The following NKX3-2 variants were observed in gnomAD, a reference collection of about 807,000 sequenced individuals.
The protein encoded by NKX3-2 is NK3 homeobox 2.
Under a neutral mutation model 19.4 loss-of-function variants are expected in NKX3-2, and 13 were observed. The ratio of observed to expected loss-of-function variants is 0.67; its 90% confidence interval spans 0.44 to 1.07. The LOEUF (loss-of-function observed/expected upper bound fraction) is 1.07. Ranked by LOEUF, NKX3-2 falls within the 50% of genes least tolerant of loss-of-function variation. The probability of loss-of-function intolerance (pLI) is 0.00; values close to 1 mark genes in which losing one functional copy is unlikely to be tolerated. For synonymous variants in NKX3-2, 269 were observed against 230.5 expected, an observed-to-expected ratio of 1.17 and a Z score of -1.51; for missense variants, 562 against 488.2, an observed-to-expected ratio of 1.15 and a Z score of -1.42.
chr4:13,544,638 C>A (rs1718083474), upstream of NKX3-2: 2 of 308,610 alleles, frequency 6.5e-6, no homozygotes, highest in Non-Finnish European at 1.2e-5. Context: ...GACCCCCTCC[C>A]CCCGAATCCA....
At chr4:13,546,864 G>C, upstream of NKX3-2, 1 of 453,578 alleles carries the variant, frequency 2.2e-6, no homozygotes, top group Non-Finnish European at 4.4e-6. Context: ...TTGGGCAGAA[G>C]TCTTCAAAGC....
Position 13,543,546 on chromosome 4 carries a change from C to T in NKX3-2, c.466+403G>A, listed in dbSNP as rs1179583788. 6.6e-6 allele frequency among the ~76,000 whole-genome samples: 1 copy of T among 152,170 alleles called. No homozygotes were observed. Among genetic ancestry groups the T allele is most frequent in the Non-Finnish European group, 1.5e-5 (1 of 68,042 alleles). Reference sequence around the variant, plus strand: ...ACCTTGAACTGGCAGGTCTCTGGTCCAGAGCTAGGTCACTGGCTACCTGAG... The same window carrying T: ...ACCTTGAACTGGCAGGTCTCTGGTCTAGAGCTAGGTCACTGGCTACCTGAG... On this transcript the variant is annotated intron_variant, in intron 1 of 1. Transcript: ENST00000382438. This position sits in a 1 kb window ranked among gnomAD's most constrained non-coding sequence, Gnocchi z 7.1.
chr4:13,544,386 G>A lies in NKX3-2; in HGVS notation c.29C>T (p.Thr10Met). 6.5e-7 allele frequency: 1 copy of A among 1,548,434 alleles called. No homozygotes were observed. Among genetic ancestry groups the A allele is most frequent in the South Asian group, 1.2e-5 (1 of 84,288 alleles). Residue 10 changes from threonine (T) to methionine (M), a missense_variant, in exon 1 of 2, where the codon ACG becomes ATG. Physicochemically the swap from Thr to Met is moderately conservative, Grantham distance 81 (BLOSUM62 -1). Coordinates refer to ENST00000382438, the MANE Select transcript of NKX3-2 (RefSeq NM_001189.4). MAVRGANTL[T>M]SFSIQAILNK... ...GAGGATCGCCTGGATGGAGAAGGAC[G>A]TCAAGGTGTTGGCGCCGCGCACAGC...
Position 13,542,659 on chromosome 4 carries a change from T to C in NKX3-2, c.467-131A>G. 1.6e-6 allele frequency: 2 copies of C among 1,243,130 alleles called. No homozygotes were observed. The highest frequency in any genetic ancestry group is 2.5e-5 in the South Asian group (2 of 80,086). 77.0% of individuals were successfully genotyped at this position (1,243,130 alleles called of 1,614,324 possible). ...TGATCCCACTCAAGCGGAGCGGAGG[T>C]CTGGGAGGCCCTGGGCCCGGGAGAC... On this transcript the variant is annotated intron_variant, in intron 1 of 1. Coordinates refer to ENST00000382438, the MANE Select transcript of NKX3-2 (RefSeq NM_001189.4). This position sits in a 1 kb window ranked among gnomAD's most constrained non-coding sequence, Gnocchi z 6.4.
rs992106256 is a variant in NKX3-2 at position 13,544,476 on chromosome 4, G to C, written c.-62C>G. 59 of 1,221,742 alleles carry C rather than the reference G, an allele frequency of 4.8e-5. No individual in the cohort carries two copies. The highest frequency in any genetic ancestry group is 7.8e-5 in the South Asian group (3 of 38,494). 75.7% of individuals were successfully genotyped at this position (1,221,742 alleles called of 1,614,324 possible). On this transcript the variant is annotated 5_prime_UTR_variant, in exon 1 of 2. Transcript: ENST00000382438. Reference sequence around the variant, plus strand: ...GCTGGGGCGCCGAGCAGCTCCGAGCGGGACAGAGAGCGCCGGCGGCCGCAG... The same window carrying C: ...GCTGGGGCGCCGAGCAGCTCCGAGCCGGACAGAGAGCGCCGGCGGCCGCAG...
rs761056679 is a variant in NKX3-2, at chr4:13,543,664, G to A, written c.466+285C>T. ...ACTGGCGACGAACTCAAAAACTCCCGAACGCAAGGGGCAGCGGTTCTCCCA... is the reference window on the plus strand; with the variant it reads ...ACTGGCGACGAACTCAAAAACTCCCAAACGCAAGGGGCAGCGGTTCTCCCA... On this transcript the variant is annotated intron_variant, in intron 1 of 1. Coordinates refer to ENST00000382438, the MANE Select transcript of NKX3-2 (RefSeq NM_001189.4). This position sits in a 1 kb window ranked among gnomAD's most constrained non-coding sequence, Gnocchi z 7.1. 1.2e-4 allele frequency among the ~76,000 whole-genome samples: 18 copies of A among 152,180 alleles called. No individual in the cohort carries two copies. Among genetic ancestry groups the A allele is most frequent in the Non-Finnish European group, 2.4e-4 (16 of 68,040 alleles).
At position 13,541,488 on chromosome 4, in the gene NKX3-2, A is replaced by T. The variant is rs1221127415; in HGVS notation, c.*505T>A. 6.5e-6 allele frequency: 1 copy of T among 152,718 alleles called. No homozygotes were observed. The highest frequency in any genetic ancestry group is 1.5e-5 in the Non-Finnish European group (1 of 68,436). 9.5% of individuals were successfully genotyped at this position (152,718 alleles called of 1,614,324 possible). A position where few individuals can be genotyped will look rare whatever the true frequency, so the allele number is the denominator to read the frequency against. ...TGGCCTGGTGCTGCCTGGGACTGCC[A>T]GGGTTTCGCACCCCTTGGTTACAAA... On this transcript the variant is annotated 3_prime_UTR_variant, in exon 2 of 2. Transcript: ENST00000382438.
At chr4:13,547,506 C>G (rs1718163884), upstream of NKX3-2, 1 of 232,904 alleles carries the variant, frequency 4.3e-6, no homozygotes, top group South Asian at 5.0e-5. Context: ...GCCGCGCCCC[C>G]TCCGCGCCCA....
At chr4:13,545,250 C>T (rs1304604445), upstream of NKX3-2, among the ~76,000 whole-genome samples, 1 of 152,220 alleles carries the variant, frequency 6.6e-6, no homozygotes, top group East Asian at 1.9e-4. Flanking sequence ...TCGAAGCACC[C>T]TCCAGCAACA....
chr4:13,544,072 C>T lies in NKX3-2; in HGVS notation c.343G>A (p.Gly115Arg). The T allele has an allele frequency of 6.3e-7, 1 of 1,579,896 alleles. No individual in the cohort carries two copies. Reference sequence around the variant, plus strand: ...AAGGATCCCCCCGCAAGGCCGGCCCCGCTGGCCCCCCGCGCGTCCGCGCAG... The same window carrying T: ...AAGGATCCCCCCGCAAGGCCGGCCCTGCTGGCCCCCCGCGCGTCCGCGCAG... ...RRCADARGAS[G>R]AGLAGGSLSL... Residue 115 changes from glycine to arginine, a missense_variant, in exon 1 of 2, where the codon GGG becomes AGG. Transcript: ENST00000382438.
chr4:13,543,950 T>C lies in NKX3-2; in HGVS notation c.465A>G (p.Ser155=). 2 of 1,544,056 alleles carry C rather than the reference T, an allele frequency of 1.3e-6. 1 individual carries two copies. The highest frequency in any genetic ancestry group is 2.4e-5 in the South Asian group (2 of 82,694). The change falls in exon 1 of 2, where the codon TCA becomes TCG. Residue 155 remains serine (S), a splice_region_variant and synonymous_variant. Transcript: ENST00000382438. This position sits in a 1 kb window ranked among gnomAD's most constrained non-coding sequence, Gnocchi z 7.1. ...RSDSEMSASV[S]GDRSPRTEDD... is the part of the protein sequence containing the mutation. ...CATCCCCGCGAAGCCGCAGCAGACC[T>C]GAGACGCTGGCGGACATCTCGCTGT...
Position 13,544,187 on chromosome 4 carries a change from A to G in NKX3-2, c.228T>C (p.Gly76=). The G allele has an allele frequency of 6.2e-7, 1 of 1,603,198 alleles. No homozygotes were observed. The highest frequency in any genetic ancestry group is 1.1e-5 in the South Asian group (1 of 90,586). ...AEDSLLASPA[G]TRTAAGRTAE... is the part of the protein sequence containing the mutation. Reference sequence around the variant, plus strand: ...CAGTCCGCCCCGCAGCTGTTCTGGTACCGGCAGGAGACGCCAGCAGAGAGT... The same window carrying G: ...CAGTCCGCCCCGCAGCTGTTCTGGTGCCGGCAGGAGACGCCAGCAGAGAGT... Residue 76 remains glycine, a synonymous_variant, in exon 1 of 2, where the codon GGT becomes GGC. Coordinates refer to ENST00000382438, the MANE Select transcript of NKX3-2 (RefSeq NM_001189.4).
In NKX3-2 at chr4:13,541,718, A is replaced by G. The variant is rs953323463; in HGVS notation, c.*275T>C. ...ATCAAAATTTAATTCCAACATTGTC[A>G]TGATAATAAATAGAGCCCAGGGGCT... is the stretch of plus-strand genomic sequence containing the variant. On this transcript the variant is annotated 3_prime_UTR_variant, in exon 2 of 2. Transcript: ENST00000382438. 3.3e-5 allele frequency: 14 copies of G among 417,950 alleles called. No homozygotes were observed. The highest frequency in any genetic ancestry group is 5.5e-5 in the Non-Finnish European group (13 of 235,694). The allele number at this position is 417,950 out of a possible 1,614,324, so 25.9% of individuals were successfully genotyped here.
chr4:13,547,498 C>A (rs114800021), upstream of NKX3-2: 1,022 of 235,746 alleles, frequency 4.3e-3, 13 homozygotes, highest in African/African-American at 0.024. Context: ...TCTACCCCGC[C>A]GCGCCCCCTC....
rs1718072119 is a variant in NKX3-2, at chr4:13,544,325, T to C, written c.90A>G (p.Pro30=). ...TGCCCCCGGGCGCCGGGCGCCCCTC[T>C]GGCGCGGCCAGCCCGCCGCGCTCCT... ...KKEERGGLAA[P]EGRPAPGGTA... is the part of the protein sequence containing the mutation. The change falls in exon 1 of 2, where the codon CCA becomes CCG. Residue 30 remains proline (P), a synonymous_variant. Transcript: ENST00000382438. 2.0e-6 allele frequency: 3 copies of C among 1,531,164 alleles called. No individual in the cohort carries two copies. In the Admixed American group the frequency reaches 6.2e-5, roughly 31 times the overall value. 94.8% of individuals were successfully genotyped at this position (1,531,164 alleles called of 1,614,324 possible). A position where few individuals can be genotyped will look rare whatever the true frequency, so the allele number is the denominator to read the frequency against.
rs1384605552 is a variant in NKX3-2, at chr4:13,541,423, G to A, written c.*570C>T. 1 of 152,322 alleles carries A rather than the reference G, an allele frequency of 6.6e-6. No homozygotes were observed. The highest frequency in any genetic ancestry group is 1.5e-5 in the Non-Finnish European group (1 of 68,142). 9.4% of individuals were successfully genotyped at this position (152,322 alleles called of 1,614,324 possible). A position where few individuals can be genotyped will look rare whatever the true frequency, so the allele number is the denominator to read the frequency against. On this transcript the variant is annotated 3_prime_UTR_variant, in exon 2 of 2. Transcript: ENST00000382438. ...TGACACACAGGAGGGGTGGAGCAGA[G>A]GGCCTGAAAACCCAATCCTTCACGT...
At chr4:13,545,488 A>G (rs900949549), upstream of NKX3-2, among the ~76,000 whole-genome samples, 4 of 152,298 alleles carry the variant, frequency 2.6e-5, no homozygotes, top group Non-Finnish European at 2.9e-5. Context: ...CCGCTTCTTC[A>G]TTGCTAATGC....
In NKX3-2 at chr4:13,542,920, A is replaced by C. The variant is rs967532040; in HGVS notation, c.467-392T>G. On this transcript the variant is annotated intron_variant, in intron 1 of 1. Transcript: ENST00000382438. This position sits in a 1 kb window ranked among gnomAD's most constrained non-coding sequence, Gnocchi z 6.4. Reference sequence around the variant, plus strand: ...CATTTCCGTCTCTCTGCTTGGGTTCACGCGCCTCTCCACACTTAGTTCACA... The same window carrying C: ...CATTTCCGTCTCTCTGCTTGGGTTCCCGCGCCTCTCCACACTTAGTTCACA... Among the ~76,000 whole-genome samples, 4 of 151,596 alleles carry C rather than the reference A, an allele frequency of 2.6e-5. No individual in the cohort carries two copies. The highest frequency in any genetic ancestry group is 2.6e-4 in the Admixed American group (4 of 15,224).
Position 13,542,044 on chromosome 4 carries a change from G to A in NKX3-2, c.951C>T (p.Cys317=), listed in dbSNP as rs1405345910. 1 of 1,604,390 alleles carries A rather than the reference G, an allele frequency of 6.2e-7. No homozygotes were observed. The highest frequency in any genetic ancestry group is 1.7e-4 in the Middle Eastern group (1 of 6,044). ...AGGTGGAGAGCGCCCAGCCTGGGAG[G>A]CAGTAGTACGGGTAATAGTAGGAGG... ...LQPSYYYPYY[C]LPGWALSTCA... Residue 317 remains cysteine (C), a synonymous_variant, in exon 2 of 2, where the codon TGC becomes TGT. Coordinates refer to ENST00000382438, the MANE Select transcript of NKX3-2 (RefSeq NM_001189.4). The surrounding 1 kb of genome is among the most constrained non-coding windows in gnomAD (Gnocchi z 6.4).
Sources: gnomAD v4.1 joint callset for allele counts (sites outside exome capture counted in the v4.1 genomes callset) on GRCh38, gnomAD v4.1.1 for gene constraint, Gnocchi (gnomAD v3.1) non-coding constraint, MANE v1.5 for transcripts, NCBI Gene and HGNC (gene_info 2026-07-23, HGNC 2026-07-21) for gene names.